The following DNAJB2 variants were observed in gnomAD, a reference collection of about 807,000 sequenced individuals.
DNAJB2 encodes dnaJ homolog subfamily B member 2.
DNAJB2 carries 19 observed loss-of-function variants against 33.3 expected under a neutral mutation model. That is an observed-to-expected ratio of 0.57 (90% CI 0.40 to 0.84). The LOEUF (loss-of-function observed/expected upper bound fraction) is 0.84, where lower values mean the gene tolerates loss of function less well. DNAJB2 is among the 40% of genes least tolerant of loss of function. DNAJB2 has a pLI of 0.00. For missense variants in DNAJB2, 368 were observed against 430.9 expected (o/e 0.85, Z 1.29); for synonymous variants, 172 against 164.6 (o/e 1.04, Z -0.34).
intron 6 of DNAJB2, 37 bp from the exon 7 acceptor site, chr2:219,283,096 A>AACCACCTCTCCTCCTC (rs776388749): frequency 1.2e-6 from 2 of 1,607,468 alleles, no homozygotes; most frequent in Non-Finnish European, 1.7e-6. Flanking sequence ...GTCTTCTTCT[A>AACCACCTCTCCTCCTC]ACCACCTCTC....
intron 8 of DNAJB2, 124 bp downstream of exon 8, chr2:219,283,613 G>T: frequency 1.0e-6 from 1 of 954,214 alleles, no homozygotes; most frequent in Non-Finnish European, 1.6e-6. Context: ...CAACAGGCCA[G>T]ACTGGTAGGA....
In DNAJB2 at chr2:219,284,855, C is replaced by A; in HGVS notation, c.843C>A (p.His281Gln). ...CCGCAGGTGGGCGGGAGGCACAGCA[C>A]CGACGGCAGGGGCGGCCCAAGGCCC... Reference protein sequence around the residue: ...KKPAGGREAQHRRQGRPKAQH... With the variant: ...KKPAGGREAQQRRQGRPKAQH... The change falls in exon 9 of 9, where the codon CAC (histidine) becomes CAA (glutamine). Residue 281 changes from histidine to glutamine, a missense_variant. His to Gln is a conservative substitution (Grantham distance 24, BLOSUM62 0). Transcript: ENST00000336576. 6.2e-7 allele frequency: 1 copy of A among 1,610,576 alleles called. No homozygotes were observed. Among genetic ancestry groups the A allele is most frequent in the Non-Finnish European group, 8.5e-7 (1 of 1,178,296 alleles).
chr2:219,284,168 C>G (rs1380499222), intron 8 of DNAJB2, among the ~76,000 whole-genome samples: 2 of 152,154 alleles, frequency 1.3e-5, no homozygotes, highest in African/African-American at 4.8e-5. Context: ...CAGCCTCGAC[C>G]TCCTCGGCTC....
At chr2:219,280,914 CAT>C (rs893915100) in intron 3 of DNAJB2, 30 of 543,056 alleles carry the variant, frequency 5.5e-5, no homozygotes, top group Non-Finnish European at 9.2e-5. Flanking sequence ...GCAGGTAACT[CAT>C]GTGAGCTGAG....
In DNAJB2 at chr2:219,286,197, T is replaced by C; in HGVS notation, c.*1210T>C. On this transcript the variant is annotated 3_prime_UTR_variant, in exon 9 of 9. Transcript: ENST00000336576. ...TCTTCCTTGGGTGTTTGGTGCTGGC[T>C]CCTGGGGACTACAAATCCCAGAGTG... is the stretch of plus-strand genomic sequence containing the variant. 1 of 628,270 alleles carries C rather than the reference T, an allele frequency of 1.6e-6. No homozygotes were observed. Among genetic ancestry groups the C allele is most frequent in the Non-Finnish European group, 2.6e-6 (1 of 378,326 alleles). 38.9% of individuals were successfully genotyped at this position (628,270 alleles called of 1,614,324 possible). A position where few individuals can be genotyped will look rare whatever the true frequency, so the allele number is the denominator to read the frequency against.
chr2:219,285,383 T>G lies in DNAJB2; in HGVS notation c.*396T>G. 9.9e-7 allele frequency: 1 copy of G among 1,012,634 alleles called. No individual in the cohort carries two copies. The highest frequency in any genetic ancestry group is 1.2e-6 in the Non-Finnish European group (1 of 847,768). 62.7% of individuals were successfully genotyped at this position (1,012,634 alleles called of 1,614,324 possible). ...GGTTGTCTGAGCCGGAGCCGGCAGC[T>G]CCACTGGAGAGCAGTGCAGGCAGAG... On this transcript the variant is annotated 3_prime_UTR_variant, in exon 9 of 9. Coordinates refer to ENST00000336576, the MANE Select transcript of DNAJB2 (RefSeq NM_006736.6).
rs1188760272 is a variant in DNAJB2 at position 219,279,806 on chromosome 2, A to C, written c.-28A>C. 1 of 1,613,272 alleles carries C rather than the reference A, an allele frequency of 6.2e-7. No individual in the cohort carries two copies. The highest frequency in any genetic ancestry group is 8.5e-7 in the Non-Finnish European group (1 of 1,179,660). ...CTCCTTCTCTTCTGCAGCCCCAAGGAGGCCCGCCTGACGACTGACCAGTTG... is the reference window on the plus strand; with the variant it reads ...CTCCTTCTCTTCTGCAGCCCCAAGGCGGCCCGCCTGACGACTGACCAGTTG... On this transcript the variant is annotated 5_prime_UTR_variant, in exon 2 of 9. Transcript: ENST00000336576. This position sits in a 1 kb window ranked among gnomAD's most constrained non-coding sequence, Gnocchi z 4.9.
chr2:219,286,320 C>T lies in DNAJB2; in HGVS notation c.*1333C>T. ...TGGGACATGTAGTAGCCCAGGTCGG[C>T]TTGTCACTCGCTGTGAGATGGGGAG... is the stretch of plus-strand genomic sequence containing the variant. On this transcript the variant is annotated 3_prime_UTR_variant, in exon 9 of 9. Transcript: ENST00000336576. The T allele has an allele frequency of 2.9e-6, 1 of 344,946 alleles. No individual in the cohort carries two copies. Among genetic ancestry groups the T allele is most frequent in the Admixed American group, 4.0e-5 (1 of 24,806 alleles). The allele number at this position is 344,946 out of a possible 1,614,324, so 21.4% of individuals were successfully genotyped here.
In DNAJB2 at chr2:219,284,754, G is replaced by A. The variant is rs1442415535; in HGVS notation, c.742G>A (p.Asp248Asn). ...QTPASCPLDS[D>N]LSEDEDLQLA... ...CCCTGCCTCATGCCCCTTGGACAGCGACCTCTCTGAGGATGAGGACCTGCA... is the reference window on the plus strand; with the variant it reads ...CCCTGCCTCATGCCCCTTGGACAGCAACCTCTCTGAGGATGAGGACCTGCA... Residue 248 changes from aspartate (D) to asparagine (N), a missense_variant, in exon 9 of 9, where the codon GAC becomes AAC. Coordinates refer to ENST00000336576, the MANE Select transcript of DNAJB2 (RefSeq NM_006736.6). The A allele has an allele frequency of 5.6e-6, 9 of 1,613,558 alleles. No homozygotes were observed. The highest frequency in any genetic ancestry group is 5.0e-5 in the Admixed American group (3 of 60,020).
In DNAJB2 at chr2:219,285,684, G is replaced by T. The variant is rs1054173737; in HGVS notation, c.*697G>T. On this transcript the variant is annotated 3_prime_UTR_variant, in exon 9 of 9. Transcript: ENST00000336576. ...TCTGGGGAGGCTAGCCGGGTGGGGCGGGAGCCTCTCAGCTGTCCAGATTCA... is the reference window on the plus strand; with the variant it reads ...TCTGGGGAGGCTAGCCGGGTGGGGCTGGAGCCTCTCAGCTGTCCAGATTCA... The T allele has an allele frequency of 8.4e-7, 1 of 1,194,400 alleles. No individual in the cohort carries two copies. The highest frequency in any genetic ancestry group is 1.0e-6 in the Non-Finnish European group (1 of 960,884). The allele number at this position is 1,194,400 out of a possible 1,614,324, so 74.0% of individuals were successfully genotyped here.
At position 219,284,784 on chromosome 2, in the gene DNAJB2, G is replaced by A. The variant is rs1252580169; in HGVS notation, c.772G>A (p.Ala258Thr). The change falls in exon 9 of 9, where the codon GCC becomes ACC. Residue 258 changes from alanine to threonine, a missense_variant. Ala to Thr is a moderately conservative substitution (Grantham distance 58, BLOSUM62 0). Coordinates refer to ENST00000336576, the MANE Select transcript of DNAJB2 (RefSeq NM_006736.6). ...CTCTGAGGATGAGGACCTGCAGCTG[G>A]CCATGGCCTACAGCCTGTCAGAGAT... The part of the protein sequence containing the change: ...DLSEDEDLQL[A>T]MAYSLSEMEA... The A allele has an allele frequency of 6.2e-7, 1 of 1,613,186 alleles. No homozygotes were observed. Among genetic ancestry groups the A allele is most frequent in the Admixed American group, 1.7e-5 (1 of 59,960 alleles).
Position 219,279,543 on chromosome 2 carries a change from C to G in DNAJB2, c.-37+25C>G. On this transcript the variant is annotated intron_variant, in intron 1 of 8. Transcript: ENST00000336576. The surrounding 1 kb of genome is among the most constrained non-coding windows in gnomAD (Gnocchi z 4.9). ...GGTGCGGCCGGGGGCCCGGGTCAGG[C>G]TGGGGGCCCTGGATCGGACTGCTGG... The G allele has an allele frequency of 2.7e-6, 1 of 376,622 alleles. No homozygotes were observed. 23.3% of individuals were successfully genotyped at this position (376,622 alleles called of 1,614,324 possible).
intron 3 of DNAJB2, 160 bp from the exon 4 acceptor site, chr2:219,281,558 T>C (rs149292935): frequency 4.8e-6 from 4 of 825,864 alleles, no homozygotes; most frequent in Non-Finnish European, 7.7e-6. Flanking sequence ...GCTGAGTTGC[T>C]GCCTAAACCT....
In DNAJB2 at chr2:219,286,488, T is replaced by A; in HGVS notation, c.*1501T>A. The stretch of plus-strand genomic sequence containing the variant: ...AGAGCCGCGCAGCACCTGGGAGCGG[T>A]ACCTTTCCCTTGGGCAGCCTGGGGT... On this transcript the variant is annotated 3_prime_UTR_variant, in exon 9 of 9. Coordinates refer to ENST00000336576, the MANE Select transcript of DNAJB2 (RefSeq NM_006736.6). 6.5e-6 allele frequency: 1 copy of A among 154,958 alleles called. No homozygotes were observed. 9.6% of individuals were successfully genotyped at this position (154,958 alleles called of 1,614,324 possible).
Position 219,281,930 on chromosome 2 carries a change from C to G in DNAJB2, c.230-9C>G. The stretch of plus-strand genomic sequence containing the variant: ...TGCCCTAAGCTCTCTCCTCATCCTG[C>G]CTTTCCAGGAACTGGCCCATCTCGG... On this transcript the variant is annotated splice_polypyrimidine_tract_variant and intron_variant, in intron 4 of 8. Coordinates refer to ENST00000336576, the MANE Select transcript of DNAJB2 (RefSeq NM_006736.6). The G allele has an allele frequency of 1.2e-6, 2 of 1,613,892 alleles. No homozygotes were observed. Among genetic ancestry groups the G allele is most frequent in the Non-Finnish European group, 1.7e-6 (2 of 1,179,914 alleles).
intron 8 of DNAJB2, among the ~76,000 whole-genome samples, chr2:219,284,024 A>G (rs1951930571): frequency 6.6e-6 from 1 of 152,234 alleles, no homozygotes. Flanking sequence ...CTGCGTACCA[A>G]GCCCTTTACA....
rs1432477109 is a variant in DNAJB2 at position 219,281,728 on chromosome 2, G to A, written c.186G>A (p.Arg62=). ...GGTCTCTTTTTGCAGAGCACAAGCG[G>A]GAGATTTACGACCGCTATGGCCGGG... ...AYEVLSDKHK[R]EIYDRYGREG... Residue 62 remains arginine, a synonymous_variant, in exon 4 of 9, where the codon CGG becomes CGA. Transcript: ENST00000336576. 3 of 1,614,036 alleles carry A rather than the reference G, an allele frequency of 1.9e-6. No homozygotes were observed. The South Asian group carries it at 3.3e-5, about 18-fold the overall frequency.
Position 219,285,679 on chromosome 2 carries a change from G to T in DNAJB2, c.*692G>T. Reference sequence around the variant, plus strand: ...GATCTTCTGGGGAGGCTAGCCGGGTGGGGCGGGAGCCTCTCAGCTGTCCAG... The same window carrying T: ...GATCTTCTGGGGAGGCTAGCCGGGTTGGGCGGGAGCCTCTCAGCTGTCCAG... On this transcript the variant is annotated 3_prime_UTR_variant, in exon 9 of 9. Coordinates refer to ENST00000336576, the MANE Select transcript of DNAJB2 (RefSeq NM_006736.6). 8.4e-7 allele frequency: 1 copy of T among 1,187,702 alleles called. No homozygotes were observed. Among genetic ancestry groups the T allele is most frequent in the East Asian group, 3.8e-5 (1 of 26,332 alleles). The allele number at this position is 1,187,702 out of a possible 1,614,324, so 73.6% of individuals were successfully genotyped here.
In DNAJB2 at chr2:219,286,260, G is replaced by C. The variant is rs562822888; in HGVS notation, c.*1273G>C. On this transcript the variant is annotated 3_prime_UTR_variant, in exon 9 of 9. Transcript: ENST00000336576. ...CCTCATTTCTGATAGATCCCGCTTG[G>C]GGGAGGTGGTGTATGGTTACGGAGC... 3.7e-4 allele frequency: 185 copies of C among 495,206 alleles called. No homozygotes were observed. Among genetic ancestry groups the C allele is most frequent in the Middle Eastern group, 2.2e-3 (4 of 1,860 alleles). 30.7% of individuals were successfully genotyped at this position (495,206 alleles called of 1,614,324 possible).
Sources: gnomAD v4.1 joint callset for allele counts (sites outside exome capture counted in the v4.1 genomes callset) on GRCh38, gnomAD v4.1.1 for gene constraint, Gnocchi (gnomAD v3.1) non-coding constraint, MANE v1.5 for transcripts, NCBI Gene and HGNC (gene_info 2026-07-23, HGNC 2026-07-21) for gene names.